The following PLCH1 variants were observed in gnomAD, a reference collection of about 807,000 sequenced individuals.
The protein encoded by PLCH1 is phospholipase C eta 1, also known as 1-phosphatidylinositol 4,5-bisphosphate phosphodiesterase eta-1.
A neutral mutation model predicts 126.7 loss-of-function variants in PLCH1; 60 were observed. The ratio of observed to expected loss-of-function variants is 0.47; its 90% CI spans 0.38 to 0.59. The LOEUF (loss-of-function observed/expected upper bound fraction) is 0.59, where lower values mean the gene tolerates loss of function less well. PLCH1 is among the 20% of genes least tolerant of loss of function. The pLI is 0.00. For synonymous variants in PLCH1, 719 were observed against 734.9 expected, an observed-to-expected ratio of 0.98 and a Z score of 0.35; for missense variants, 1,723 against 2,040.0, an observed-to-expected ratio of 0.84 and a Z score of 2.99.
intron 21 of PLCH1, among the ~76,000 whole-genome samples, chr3:155,474,003 G>A (rs1713405005): frequency 6.6e-6 from 1 of 151,786 alleles, no homozygotes; most frequent in Admixed American, 6.6e-5. Context: ...TACCATTCAG[G>A]ACATAGGCAT....
In PLCH1 at chr3:155,738,414, G is replaced by A. The variant is rs781634722; in HGVS notation, c.-41+6426C>T. Among the ~76,000 whole-genome samples, 112 of 152,156 alleles carry A rather than the reference G, an allele frequency of 7.4e-4. 1 individual carries two copies. Among genetic ancestry groups the A allele is most frequent in the Non-Finnish European group, 1.1e-3 (77 of 68,032 alleles). ...CTCAACACTTTGGGAGGTAGAGGTC[G>A]GAGGATTGCTTGAGCACAGGAGTTC... On this transcript the variant is annotated intron_variant, in intron 1 of 22. Coordinates refer to ENST00000460012, the MANE Select transcript of PLCH1 (RefSeq NM_014996.4).
At chr3:155,628,878 G>A (rs1737684341) in intron 2 of PLCH1, among the ~76,000 whole-genome samples, 1 of 152,096 alleles carries the variant, frequency 6.6e-6, no homozygotes, top group Non-Finnish European at 1.5e-5. Context: ...ACATATATAT[G>A]GGAGATGTTA....
chr3:155,528,057 G>C (rs783552), intron 10 of PLCH1, among the ~76,000 whole-genome samples: 1 of 151,362 alleles, frequency 6.6e-6, no homozygotes. Flanking sequence ...AACCTCATCT[G>C]TACTAAAAAT....
chr3:155,687,112 A>C (rs1745011364), intron 2 of PLCH1, among the ~76,000 whole-genome samples: 1 of 152,236 alleles, frequency 6.6e-6, no homozygotes, highest in African/African-American at 2.4e-5. Context: ...GAATTTCAAA[A>C]ATGTAGCAAA....
At chr3:155,715,291 A>T (rs1284332207) in intron 1 of PLCH1, among the ~76,000 whole-genome samples, 1 of 151,120 alleles carries the variant, frequency 6.6e-6, no homozygotes, top group Non-Finnish European at 1.5e-5. Context: ...TATTACTATC[A>T]TTTCCTTCCA....
intron 9 of PLCH1, among the ~76,000 whole-genome samples, chr3:155,551,444 GAAAAAAAAAAAAAAAAAAAAAA>G (rs59794505): frequency 1.9e-4 from 8 of 42,054 alleles, no homozygotes; most frequent in African/African-American, 8.6e-4. Flanking sequence ...GGCTGCCTCA[GAAAAAAAAAAAAAAAAAAAAAA>G]AAAAAAAAAA....
At chr3:155,717,606 T>C (rs540735948) in intron 1 of PLCH1, among the ~76,000 whole-genome samples, 1 of 152,212 alleles carries the variant, frequency 6.6e-6, no homozygotes, top group Non-Finnish European at 1.5e-5. Flanking sequence ...CCAAGCTGTA[T>C]CTGAGGCTCT....
At chr3:155,648,193 T>C (rs1441743890) in intron 2 of PLCH1, among the ~76,000 whole-genome samples, 1 of 152,206 alleles carries the variant, frequency 6.6e-6, no homozygotes, top group African/African-American at 2.4e-5. Flanking sequence ...ATTTAAATTC[T>C]TCACAGTCCC....
intron 2 of PLCH1, among the ~76,000 whole-genome samples, chr3:155,638,164 GAA>G (rs1441905158): frequency 6.6e-6 from 1 of 152,186 alleles, no homozygotes; most frequent in African/African-American, 2.4e-5. Context: ...TCAGTTGTAA[GAA>G]TGCAAGTTCA....
chr3:155,549,891 G>A lies in PLCH1; in HGVS notation c.1258C>T (p.Leu420=). The change falls in exon 10 of 23, where the codon CTG becomes TTG. Residue 420 remains leucine (L), a synonymous_variant. Transcript: ENST00000460012. ...IQQQRKIAQY[L]KGIFGDKLDL... ...AGTTTGTCTCCGAATATTCCTTTCA[G>A]GTACTGAGCAATCTTCCTTTGCTGC... 1 of 1,613,308 alleles carries A rather than the reference G, an allele frequency of 6.2e-7. No homozygotes were observed. Among genetic ancestry groups the A allele is most frequent in the Non-Finnish European group, 8.5e-7 (1 of 1,179,280 alleles).
chr3:155,621,207 A>T (rs1048804127), intron 2 of PLCH1, among the ~76,000 whole-genome samples: 6 of 152,240 alleles, frequency 3.9e-5, no homozygotes, highest in African/African-American at 1.4e-4. Flanking sequence ...ACAGAAAGGA[A>T]TAGTATGAAC....
rs377481346 is a variant in PLCH1, at chr3:155,481,076, C to T, written c.4950G>A (p.Thr1650=). The T allele has an allele frequency of 6.2e-6, 10 of 1,614,034 alleles. No individual in the cohort carries two copies. Among genetic ancestry groups the T allele is most frequent in the East Asian group, 2.2e-5 (1 of 44,892 alleles). Residue 1650 remains threonine (T), a synonymous_variant, in exon 23 of 23, where the codon ACG becomes ACA. Coordinates refer to ENST00000460012, the MANE Select transcript of PLCH1 (RefSeq NM_014996.4). The surrounding 1 kb of genome is among the most constrained non-coding windows in gnomAD (Gnocchi z 4.2). Reference sequence around the variant, plus strand: ...GGTCAACGTGGCCATAGTGAAGAGCCGTGCATGCCCCCTCTGGGATGCCCC... The same window carrying T: ...GGTCAACGTGGCCATAGTGAAGAGCTGTGCATGCCCCCTCTGGGATGCCCC... ...EGRGIPEGAC[T]ALHYGHVDQF...
At chr3:155,621,250 A>G (rs1456002150) in intron 2 of PLCH1, among the ~76,000 whole-genome samples, 1 of 152,234 alleles carries the variant, frequency 6.6e-6, no homozygotes, top group African/African-American at 2.4e-5. Flanking sequence ...CAGAGACCCC[A>G]TCCGAAGGTC....
intron 21 of PLCH1, among the ~76,000 whole-genome samples, chr3:155,486,680 G>A (rs1307363796): frequency 3.3e-5 from 5 of 151,368 alleles, no homozygotes; most frequent in South Asian, 2.1e-4. Context: ...GCCGGCCACC[G>A]CGCCCGGCTA....
chr3:155,662,638 T>C lies in PLCH1; in HGVS notation c.79+41508A>G, dbSNP rs116276379. On this transcript the variant is annotated intron_variant, in intron 2 of 22. Transcript: ENST00000460012. ...GATCTCTAAATTTTTCTTAGATTAT[T>C]ATTGCCTTTCAGGTTTATGTATTTC... Among the ~76,000 whole-genome samples, 861 of 152,124 alleles carry C rather than the reference T, an allele frequency of 5.7e-3. 12 individuals are homozygous for C. The highest frequency in any genetic ancestry group is 0.02 in the African/African-American group (815 of 41,510).
chr3:155,638,245 T>C (rs1282774907), intron 2 of PLCH1, among the ~76,000 whole-genome samples: 3 of 152,212 alleles, frequency 2.0e-5, no homozygotes, highest in African/African-American at 7.2e-5. Context: ...TACCTAATGG[T>C]CTCTTTGGAG....
intron 2 of PLCH1, among the ~76,000 whole-genome samples, chr3:155,675,418 C>T (rs1191566687): frequency 6.6e-6 from 1 of 152,160 alleles, no homozygotes; most frequent in Non-Finnish European, 1.5e-5. Context: ...TTCTCATGCT[C>T]CTGGAGCTGA....
intron 2 of PLCH1, among the ~76,000 whole-genome samples, chr3:155,669,978 C>G (rs1004431198): frequency 6.6e-6 from 1 of 152,024 alleles, no homozygotes; most frequent in Middle Eastern, 3.2e-3. Context: ...CTACATGTAC[C>G]AACACCTCTG....
At chr3:155,701,161 T>C (rs1282070187) in intron 2 of PLCH1, among the ~76,000 whole-genome samples, 1 of 152,156 alleles carries the variant, frequency 6.6e-6, no homozygotes, top group Admixed American at 6.5e-5. Context: ...AATGTGAAGA[T>C]GAAATAGTAG....
Sources: allele counts gnomAD v4.1 joint callset (sites outside exome capture counted in the v4.1 genomes callset), GRCh38; gene constraint gnomAD v4.1.1; non-coding constraint Gnocchi (gnomAD v3.1); transcripts MANE v1.5; gene names NCBI Gene and HGNC (gene_info 2026-07-23, HGNC 2026-07-21).